TMEM135: variants seen among roughly 807,000 people sequenced by gnomAD.
TMEM135 encodes transmembrane protein 135.
A neutral mutation model predicts 60.3 loss-of-function variants in TMEM135; 30 were observed. That is an observed-to-expected ratio of 0.50 (90% CI 0.37 to 0.68). The LOEUF is 0.68. Ranked by LOEUF, TMEM135 falls within the 30% of genes least tolerant of loss-of-function variation. TMEM135 has a pLI of 0.00. For missense variants in TMEM135, 468 were observed against 548.8 expected (o/e 0.85, Z 1.47); for synonymous variants, 190 against 186.7 (o/e 1.02, Z -0.14).
intron 5 of TMEM135, among the ~76,000 whole-genome samples, chr11:87,164,907 TG>T (rs1938994558): frequency 5.1e-5 from 1 of 19,486 alleles, no homozygotes; most frequent in African/African-American, 2.7e-4. Context: ...GAGACTTTGC[TG>T]AAGTTGCTTA....
intron 4 of TMEM135, among the ~76,000 whole-genome samples, chr11:87,103,582 C>T (rs1438283286): frequency 6.6e-6 from 1 of 150,950 alleles, no homozygotes; most frequent in African/African-American, 2.4e-5. Flanking sequence ...TGTTAAATCC[C>T]TTACATATTT....
At chr11:87,264,956 T>C (rs1941721932) in intron 6 of TMEM135, among the ~76,000 whole-genome samples, 1 of 151,914 alleles carries the variant, frequency 6.6e-6, no homozygotes, top group Non-Finnish European at 1.5e-5. Context: ...AATATAGTTA[T>C]ATTATAGGTT....
chr11:87,119,884 T>TA (rs766138230), intron 4 of TMEM135, among the ~76,000 whole-genome samples: 15 of 145,868 alleles, frequency 1.0e-4, no homozygotes, highest in African/African-American at 2.3e-4. Flanking sequence ...CTTTACTTTT[T>TA]TAAAAAAAAA....
intron 5 of TMEM135, among the ~76,000 whole-genome samples, chr11:87,159,773 T>G (rs1938817372): frequency 6.6e-6 from 1 of 152,140 alleles, no homozygotes; most frequent in Non-Finnish European, 1.5e-5. Flanking sequence ...TTAAGTTGAG[T>G]CTGGAACTAA....
intron 9 of TMEM135, among the ~76,000 whole-genome samples, chr11:87,308,201 T>C (rs1942584233): frequency 6.6e-6 from 1 of 152,204 alleles, no homozygotes; most frequent in African/African-American, 2.4e-5. Context: ...TCTAGTGTAA[T>C]GTTTGGCAGA....
Position 87,211,905 on chromosome 11 carries a change from C to T in TMEM135, c.463-24733C>T, listed in dbSNP as rs560574537. On this transcript the variant is annotated intron_variant, in intron 5 of 14. Transcript: ENST00000305494. ...CTTGCAGTGAGCCGAGACCACGCCA[C>T]GGCATTCCAGCCTGGGTGACAGAGG... is the stretch of plus-strand genomic sequence containing the variant. Among the ~76,000 whole-genome samples the T allele has an allele frequency of 2.2e-3, 334 of 151,380 alleles. 1 individual carries two copies. Among genetic ancestry groups the T allele is most frequent in the Non-Finnish European group, 3.6e-3 (245 of 67,892 alleles).
At chr11:87,070,007 T>G (rs1045654149) in intron 2 of TMEM135, among the ~76,000 whole-genome samples, 5 of 141,676 alleles carry the variant, frequency 3.5e-5, no homozygotes, top group Admixed American at 2.9e-4. Context: ...CTCTGCCTGT[T>G]AAAAAAAAAA....
intron 4 of TMEM135, chr11:87,096,274 C>A: frequency 3.7e-6 from 1 of 271,834 alleles, no homozygotes; most frequent in South Asian, 4.8e-5. Context: ...TAAAAGCCAT[C>A]TTCTCTTGAA....
At chr11:87,183,753 C>T (rs899040444) in intron 5 of TMEM135, among the ~76,000 whole-genome samples, 19 of 151,638 alleles carry the variant, frequency 1.3e-4, no homozygotes, top group African/African-American at 3.9e-4. Flanking sequence ...GTCAGGAGTT[C>T]GAGACCAGCC....
intron 9 of TMEM135, among the ~76,000 whole-genome samples, chr11:87,307,378 G>T: frequency 1.2e-5 from 1 of 80,600 alleles, no homozygotes; most frequent in Non-Finnish European, 2.7e-5. Flanking sequence ...GTTTAAAGTG[G>T]CCAAAAAAAA....
intron 9 of TMEM135, among the ~76,000 whole-genome samples, chr11:87,308,990 T>C (rs1445621678): frequency 6.6e-6 from 1 of 152,182 alleles, no homozygotes; most frequent in East Asian, 1.9e-4. Flanking sequence ...CCCCTGGAAG[T>C]TCTTCTTACC....
chr11:87,163,673 A>G (rs1394814921), intron 5 of TMEM135, among the ~76,000 whole-genome samples: 7 of 150,764 alleles, frequency 4.6e-5, no homozygotes, highest in East Asian at 2.0e-4. Flanking sequence ...AAGTGTTCCT[A>G]TTTCTCCACA....
At chr11:87,228,556 C>CG (rs1192692281) in intron 5 of TMEM135, among the ~76,000 whole-genome samples, 14 of 151,998 alleles carry the variant, frequency 9.2e-5, no homozygotes, top group African/African-American at 3.4e-4. Flanking sequence ...TTAATGAATA[C>CG]GGGGGGAGAT....
intron 4 of TMEM135, among the ~76,000 whole-genome samples, chr11:87,132,229 T>G (rs548872471): frequency 1.3e-3 from 193 of 152,170 alleles, no homozygotes; most frequent in South Asian, 1.9e-3. Flanking sequence ...CATGGAAAAA[T>G]TATCTTCCAT....
chr11:87,060,888 C>G (rs1255089685), intron 1 of TMEM135, among the ~76,000 whole-genome samples: 3 of 152,070 alleles, frequency 2.0e-5, no homozygotes, highest in Non-Finnish European at 4.4e-5. Context: ...GTGATCTGCC[C>G]GCCTCGGCCT....
intron 5 of TMEM135, among the ~76,000 whole-genome samples, chr11:87,181,141 G>A (rs1289325671): frequency 2.0e-5 from 3 of 152,160 alleles, no homozygotes. Flanking sequence ...AAACTTTTAG[G>A]ATAGGAAGTA....
At chr11:87,094,914 C>T (rs1015116606) in intron 4 of TMEM135, 1 of 154,536 alleles carries the variant, frequency 6.5e-6, no homozygotes, top group African/African-American at 2.4e-5. Flanking sequence ...CACTTCTCAC[C>T]AGTGACTCCT....
rs1462026043 is a variant in TMEM135 at position 87,305,962 on chromosome 11, G to A, written c.725G>A (p.Cys242Tyr). 2 of 1,602,776 alleles carry A rather than the reference G, an allele frequency of 1.2e-6. No individual in the cohort carries two copies. The highest frequency in any genetic ancestry group is 2.3e-5 in the East Asian group (1 of 44,394). ...TGCAAACATGGACCAAGGCATAGAT[G>A]TTGCAAACATTATGAAGATAATTGC... ...SICKHGPRHR[C>Y]CKHYEDNCIS... The change falls in exon 9 of 15, where the codon TGT becomes TAT. Residue 242 changes from cysteine (C) to tyrosine (Y), a missense_variant. Physicochemically the swap from Cys to Tyr is radical, Grantham distance 194. Transcript: ENST00000305494.
chr11:87,287,716 TGTA>T (rs1393670731), intron 6 of TMEM135, among the ~76,000 whole-genome samples: 1 of 152,212 alleles, frequency 6.6e-6, no homozygotes, highest in Non-Finnish European at 1.5e-5. Context: ...TATGTATGTA[TGTA>T]TTTTTTATCA....
Sources: gnomAD v4.1 joint callset for allele counts (sites outside exome capture counted in the v4.1 genomes callset) on GRCh38, gnomAD v4.1.1 for gene constraint, MANE v1.5 for transcripts, NCBI Gene and HGNC (gene_info 2026-07-23, HGNC 2026-07-21) for gene names.